The following CLYBL variants were observed in gnomAD, a reference collection of about 807,000 sequenced individuals.
CLYBL encodes citramalyl-CoA lyase.
CLYBL carries 31 observed loss-of-function variants against 38.9 expected under a neutral mutation model. The observed-to-expected ratio is 0.80, with a 90% CI of 0.60 to 1.08. CLYBL has a LOEUF of 1.08. Ranked by LOEUF, CLYBL falls within the 50% of genes least tolerant of loss-of-function variation. CLYBL has a pLI of 0.00. For missense variants in CLYBL, 434 were observed against 411.6 expected, an observed-to-expected ratio of 1.05 and a Z score of -0.47; for synonymous variants, 171 against 158.6, an observed-to-expected ratio of 1.08 and a Z score of -0.59.
At chr13:99,859,207 A>T (rs2051538233) in intron 3 of CLYBL, among the ~76,000 whole-genome samples, 158 bp downstream of exon 3, 1 of 152,378 alleles carries the variant, frequency 6.6e-6, no homozygotes, top group East Asian at 1.9e-4. Flanking sequence ...TTTCTTTTAC[A>T]CAAGGAAAAC....
At chr13:99,715,458 A>G (rs2048298504) in intron 1 of CLYBL, among the ~76,000 whole-genome samples, 1 of 145,596 alleles carries the variant, frequency 6.9e-6, no homozygotes, top group Non-Finnish European at 1.5e-5. Flanking sequence ...ACTGGAGTGC[A>G]GTGGTGTGAT....
At chr13:99,904,451 G>A (rs979336278) in intron 8 of CLYBL, among the ~76,000 whole-genome samples, 1 of 152,192 alleles carries the variant, frequency 6.6e-6, no homozygotes, top group Admixed American at 6.5e-5. Context: ...TGATAAGGAA[G>A]AGTTGATTGA....
chr13:99,687,193 C>T (rs1440805515), intron 1 of CLYBL, among the ~76,000 whole-genome samples: 1 of 152,212 alleles, frequency 6.6e-6, no homozygotes, highest in Non-Finnish European at 1.5e-5. Flanking sequence ...CATTGCAAGC[C>T]AGGCTCAGAA....
At chr13:99,894,403 G>A (rs999912252), downstream of CLYBL, 11 of 152,330 alleles carry the variant, frequency 7.2e-5, no homozygotes, top group Non-Finnish European at 1.5e-4. Context: ...TATGTTTTGT[G>A]TAGCTCATCA....
downstream of CLYBL, among the ~76,000 whole-genome samples, chr13:99,900,410 G>A (rs77375871): frequency 0.013 from 1,934 of 152,226 alleles, 26 homozygotes; most frequent in Non-Finnish European, 0.021. Context: ...GCCTATGGAA[G>A]TTTCTCTCGG....
At chr13:99,891,082 G>A (rs2152132035) in intron 7 of CLYBL, among the ~76,000 whole-genome samples, 1 of 152,088 alleles carries the variant, frequency 6.6e-6, no homozygotes, top group South Asian at 2.1e-4. Context: ...GCTGTCTTGT[G>A]TCCAATGTGT....
chr13:99,716,088 C>T (rs975995864), intron 1 of CLYBL, among the ~76,000 whole-genome samples: 8 of 143,648 alleles, frequency 5.6e-5, no homozygotes, highest in Non-Finnish European at 1.1e-4. Context: ...GTTCAAAAGG[C>T]TTTTCTTTTC....
chr13:99,798,508 G>A (rs1387903454), intron 2 of CLYBL, among the ~76,000 whole-genome samples: 1 of 152,180 alleles, frequency 6.6e-6, no homozygotes, highest in African/African-American at 2.4e-5. Context: ...AGAGCAAATA[G>A]TTGGCTCCCT....
At chr13:99,875,179 G>A (rs2052005586) in intron 7 of CLYBL, among the ~76,000 whole-genome samples, 1 of 152,190 alleles carries the variant, frequency 6.6e-6, no homozygotes. Context: ...AATTACAAAT[G>A]TCAGAAACAA....
chr13:99,672,029 A>G (rs549042718), intron 1 of CLYBL, among the ~76,000 whole-genome samples: 1 of 152,154 alleles, frequency 6.6e-6, no homozygotes, highest in South Asian at 2.1e-4. Context: ...GTGATTCTTG[A>G]GTGATGGGTA....
At chr13:99,730,010 C>G (rs2048557918) in intron 1 of CLYBL, among the ~76,000 whole-genome samples, 1 of 152,206 alleles carries the variant, frequency 6.6e-6, no homozygotes, top group Non-Finnish European at 1.5e-5. Flanking sequence ...GCCGGTGCCC[C>G]CCTACCACCG....
intron 1 of CLYBL, among the ~76,000 whole-genome samples, chr13:99,703,864 C>T (rs940680029): frequency 6.6e-6 from 1 of 152,142 alleles, no homozygotes. Flanking sequence ...TTTATGTCAA[C>T]AGACATAAAA....
At chr13:99,802,790 A>C (rs1246420504) in intron 2 of CLYBL, among the ~76,000 whole-genome samples, 1 of 152,132 alleles carries the variant, frequency 6.6e-6, no homozygotes, top group Non-Finnish European at 1.5e-5. Flanking sequence ...ATCTTAACTC[A>C]TGAGGCCTTC....
chr13:99,868,645 G>A (rs538236170), intron 6 of CLYBL, among the ~76,000 whole-genome samples: 6 of 152,114 alleles, frequency 3.9e-5, no homozygotes, highest in East Asian at 3.9e-4. Flanking sequence ...TCTTTTCTGC[G>A]GTCGTTTCCC....
At chr13:99,686,690 T>C (rs1237116116) in intron 1 of CLYBL, among the ~76,000 whole-genome samples, 1 of 152,224 alleles carries the variant, frequency 6.6e-6, no homozygotes, top group Non-Finnish European at 1.5e-5. Flanking sequence ...TCTCCTGAAA[T>C]CTCCACTTCT....
At chr13:99,796,538 A>G (rs550394745) in intron 2 of CLYBL, among the ~76,000 whole-genome samples, 1 of 152,326 alleles carries the variant, frequency 6.6e-6, no homozygotes, top group African/African-American at 2.4e-5. Flanking sequence ...AAGAGGTGCT[A>G]TTATTCTCCC....
intron 1 of CLYBL, among the ~76,000 whole-genome samples, chr13:99,651,291 A>G (rs968157680): frequency 6.6e-6 from 1 of 152,242 alleles, no homozygotes; most frequent in African/African-American, 2.4e-5. Context: ...CTGAATAAAT[A>G]GGCCAGGTGA....
intron 2 of CLYBL, among the ~76,000 whole-genome samples, chr13:99,844,073 C>T (rs1294398353): frequency 1.3e-5 from 2 of 152,166 alleles, no homozygotes; most frequent in Non-Finnish European, 2.9e-5. Context: ...CCGTACTGGC[C>T]GGGGCTGCTG....
intron 1 of CLYBL, among the ~76,000 whole-genome samples, chr13:99,637,547 G>A (rs1459750316): frequency 6.6e-6 from 1 of 152,172 alleles, no homozygotes; most frequent in Non-Finnish European, 1.5e-5. Flanking sequence ...GATCACCTGA[G>A]GTCAGGAGTT....
Sources: gnomAD v4.1 joint callset for allele counts (sites outside exome capture counted in the v4.1 genomes callset) on GRCh38, gnomAD v4.1.1 for gene constraint, MANE v1.5 for transcripts, NCBI Gene and HGNC (gene_info 2026-07-23, HGNC 2026-07-21) for gene names.